IMPG2: variants seen among roughly 807,000 people sequenced by gnomAD.
IMPG2 encodes the protein interphotoreceptor matrix proteoglycan 2.
A neutral mutation model predicts 129.2 loss-of-function variants in IMPG2; 91 were observed. The observed-to-expected ratio is 0.70, with a 90% confidence interval of 0.59 to 0.84. IMPG2 has a LOEUF of 0.84. Ranked by LOEUF, IMPG2 falls within the 40% of genes least tolerant of loss-of-function variation. The pLI is 0.00. For synonymous variants in IMPG2, 510 were observed against 517.7 expected (o/e 0.99, Z 0.20); for missense variants, 1,430 against 1,461.7 (o/e 0.98, Z 0.35).
At chr3:101,251,678 A>G (rs1335288297) in intron 11 of IMPG2, among the ~76,000 whole-genome samples, 2 of 152,126 alleles carry the variant, frequency 1.3e-5, no homozygotes, top group East Asian at 3.9e-4. Context: ...GTCAAATTCA[A>G]TTTCCCAACA....
intron 14 of IMPG2, among the ~76,000 whole-genome samples, chr3:101,233,857 G>A (rs1321642083): frequency 6.6e-6 from 1 of 152,068 alleles, no homozygotes; most frequent in Non-Finnish European, 1.5e-5. Flanking sequence ...ATAAAGTTTA[G>A]CTAGAAGGCT....
intron 17 of IMPG2, among the ~76,000 whole-genome samples, chr3:101,229,084 C>T (rs1706253534): frequency 6.8e-6 from 1 of 148,080 alleles, no homozygotes; most frequent in South Asian, 2.2e-4. Context: ...TGCTCTAAAT[C>T]AGACATATTT....
Position 101,273,635 on chromosome 3 carries a change from T to C in IMPG2, c.774A>G (p.Leu258=). 6.2e-7 allele frequency: 1 copy of C among 1,614,136 alleles called. No homozygotes were observed. The highest frequency in any genetic ancestry group is 8.5e-7 in the Non-Finnish European group (1 of 1,179,970). Residue 258 remains leucine, a synonymous_variant, in exon 7 of 19, where the codon CTA becomes CTG. Coordinates refer to ENST00000193391, the MANE Select transcript of IMPG2 (RefSeq NM_016247.4). ...HLLGKQYREE[L]QDSSSFHHQH... is the part of the protein sequence containing the mutation. ...GGTGGTGAAAGCTGGAGGAATCCTG[T>C]AGTTCTTCCCTGTACTGCTTCCCCA...
At chr3:101,256,763 G>T (rs1243843212) in intron 10 of IMPG2, among the ~76,000 whole-genome samples, 1 of 152,010 alleles carries the variant, frequency 6.6e-6, no homozygotes, top group Non-Finnish European at 1.5e-5. Flanking sequence ...CTTCCATAAC[G>T]TATATTCCAC....
Position 101,232,976 on chromosome 3 carries a change from G to A in IMPG2, c.3038C>T (p.Pro1013Leu), listed in dbSNP as rs116450347. 5,894 of 1,613,948 alleles carry A rather than the reference G, an allele frequency of 3.7e-3. 19 individuals are homozygous for A. Among genetic ancestry groups the A allele is most frequent in the South Asian group, 5.8e-3 (532 of 91,078 alleles). ...TTCATTACAGGCCTGAAACTTGCAA[G>A]GGTTGGCTTCATCACCTAAAACATT... is the stretch of plus-strand genomic sequence containing the variant. ...LDVESGDEAN[P>L]CKFQACNEFS... is the part of the protein sequence containing the mutation. The change falls in exon 15 of 19, where the codon CCT becomes CTT. Residue 1013 changes from proline to leucine, a missense_variant. Transcript: ENST00000193391.
intron 6 of IMPG2, 33 bp from the exon 7 acceptor site, chr3:101,273,775 A>G (rs1706812879): frequency 3.8e-6 from 6 of 1,590,644 alleles, no homozygotes; most frequent in Admixed American, 1.7e-5. Flanking sequence ...ATAAATGTCA[A>G]GGCTTATTCA....
Position 101,269,586 on chromosome 3 carries a change from C to T in IMPG2, c.829-13G>A, listed in dbSNP as rs768540899. 2 of 1,500,700 alleles carry T rather than the reference C, an allele frequency of 1.3e-6. No homozygotes were observed. Among genetic ancestry groups the T allele is most frequent in the Admixed American group, 1.7e-5 (1 of 59,566 alleles). The allele number at this position is 1,500,700 out of a possible 1,614,324, so 93.0% of individuals were successfully genotyped here. On this transcript the variant is annotated splice_polypyrimidine_tract_variant and intron_variant, in intron 7 of 18. Coordinates refer to ENST00000193391, the MANE Select transcript of IMPG2 (RefSeq NM_016247.4). ...ATGCATTTTCAACCTGTTAAAAGTACAAATAAAAATGATAACTATGTAAAA... is the reference window on the plus strand; with the variant it reads ...ATGCATTTTCAACCTGTTAAAAGTATAAATAAAAATGATAACTATGTAAAA...
Position 101,225,471 on chromosome 3 carries a change from A to G in IMPG2, c.*1498T>C, listed in dbSNP as rs554349820. ...ACCTGTTATCCATACATACTTTGCAAAATACCTGGCCATCTTCAAGGCTTT... is the reference window on the plus strand; with the variant it reads ...ACCTGTTATCCATACATACTTTGCAGAATACCTGGCCATCTTCAAGGCTTT... On this transcript the variant is annotated 3_prime_UTR_variant, in exon 19 of 19. Coordinates refer to ENST00000193391, the MANE Select transcript of IMPG2 (RefSeq NM_016247.4). 31 of 152,400 alleles carry G rather than the reference A, an allele frequency of 2.0e-4. No homozygotes were observed. Among genetic ancestry groups the G allele is most frequent in the African/African-American group, 7.0e-4 (29 of 41,590 alleles). The allele number at this position is 152,400 out of a possible 1,614,324, so 9.4% of individuals were successfully genotyped here. A position where few individuals can be genotyped will look rare whatever the true frequency, so the allele number is the denominator to read the frequency against.
chr3:101,286,879 C>A (rs1316912603), intron 4 of IMPG2, among the ~76,000 whole-genome samples: 1 of 152,134 alleles, frequency 6.6e-6, no homozygotes, highest in East Asian at 1.9e-4. Flanking sequence ...CAATTTGGGG[C>A]AGCTCCAGAG....
In IMPG2 at chr3:101,319,823, T is replaced by G. The variant is rs1279889953; in HGVS notation, c.95A>C (p.Tyr32Ser). Residue 32 changes from tyrosine to serine, a missense_variant, in exon 2 of 19, where the codon TAC (tyrosine) becomes TCC (serine). Physicochemically the swap from Tyr to Ser is moderately radical, Grantham distance 144. Transcript: ENST00000193391. ...TTCTTGGATCTCCTCTATAGATAAG[T>G]AGGTTTGTGCTACAGAGTGAAAGTA... ...GDFPSLTAQT[Y>S]LSIEEIQEPK... 1 of 1,611,818 alleles carries G rather than the reference T, an allele frequency of 6.2e-7. No individual in the cohort carries two copies. Among genetic ancestry groups the G allele is most frequent in the South Asian group, 1.1e-5 (1 of 91,070 alleles).
chr3:101,262,090 A>T (rs919206417), intron 9 of IMPG2, among the ~76,000 whole-genome samples: 2 of 152,080 alleles, frequency 1.3e-5, no homozygotes, highest in Non-Finnish European at 1.5e-5. Context: ...ATATATTTTT[A>T]AAAAATTAAA....
intron 4 of IMPG2, among the ~76,000 whole-genome samples, chr3:101,280,706 G>C (rs987700704): frequency 1.3e-5 from 2 of 152,104 alleles, no homozygotes; most frequent in African/African-American, 4.8e-5. Flanking sequence ...AGCACTTTGG[G>C]AGGCCGAGGT....
intron 14 of IMPG2, among the ~76,000 whole-genome samples, chr3:101,237,924 C>A (rs1032678763): frequency 6.6e-6 from 1 of 151,804 alleles, no homozygotes; most frequent in Non-Finnish European, 1.5e-5. Flanking sequence ...CAAACTCCTG[C>A]GAGCTAAAGA....
intron 10 of IMPG2, among the ~76,000 whole-genome samples, chr3:101,254,288 A>C (rs1340079620): frequency 1.3e-5 from 2 of 152,148 alleles, no homozygotes; most frequent in African/African-American, 4.8e-5. Flanking sequence ...AGATTATATC[A>C]TTTATTTCAA....
chr3:101,310,742 C>T (rs1013568328), intron 2 of IMPG2, among the ~76,000 whole-genome samples: 3 of 151,796 alleles, frequency 2.0e-5, no homozygotes, highest in African/African-American at 2.4e-5. Flanking sequence ...TATTGTGTGC[C>T]GAAGAAATGT....
rs1576757972 is a variant in IMPG2 at position 101,269,569 on chromosome 3, T to C, written c.833A>G (p.Glu278Gly). Residue 278 changes from glutamate to glycine, a missense_variant, in exon 8 of 19, where the codon GAA becomes GGA. Glu to Gly is a moderately conservative substitution (Grantham distance 98). Transcript: ENST00000193391. ...HLEEEFISEVENAFTGLPGYK... is the reference protein window; with the variant it reads ...HLEEEFISEVGNAFTGLPGYK... The stretch of plus-strand genomic sequence containing the variant: ...GCCTGGTAACCCAGTAAATGCATTT[T>C]CAACCTGTTAAAAGTACAAATAAAA... 1 of 1,577,280 alleles carries C rather than the reference T, an allele frequency of 6.3e-7. No homozygotes were observed. Among genetic ancestry groups the C allele is most frequent in the East Asian group, 2.2e-5 (1 of 44,540 alleles).
At chr3:101,306,812 T>C (rs1707210245) in intron 2 of IMPG2, among the ~76,000 whole-genome samples, 1 of 152,004 alleles carries the variant, frequency 6.6e-6, no homozygotes. Context: ...AATATCTACA[T>C]CACTTGAGGA....
chr3:101,234,516 C>T (rs550775418), intron 14 of IMPG2, among the ~76,000 whole-genome samples: 1 of 152,232 alleles, frequency 6.6e-6, no homozygotes, highest in South Asian at 2.1e-4. Flanking sequence ...GAAACTAATA[C>T]AGGGGACCAC....
At chr3:101,269,947 T>G (rs1450429396) in intron 7 of IMPG2, among the ~76,000 whole-genome samples, 1 of 148,202 alleles carries the variant, frequency 6.7e-6, no homozygotes, top group East Asian at 1.9e-4. Flanking sequence ...TTTTTTTTTT[T>G]TGAGACAGAG....
Sources: gnomAD v4.1 joint callset for allele counts (sites outside exome capture counted in the v4.1 genomes callset) on GRCh38, gnomAD v4.1.1 for gene constraint, MANE v1.5 for transcripts, NCBI Gene and HGNC (gene_info 2026-07-23, HGNC 2026-07-21) for gene names.